The following ERCC6L2 variants were observed in gnomAD, a reference collection of about 807,000 sequenced individuals.
ERCC6L2 encodes the protein ERCC excision repair 6 like 2.
Under a neutral mutation model 132.0 loss-of-function variants are expected in ERCC6L2, and 77 were observed. That is an observed-to-expected ratio of 0.58 (90% CI 0.49 to 0.71). The LOEUF is 0.71. Ranked by LOEUF, ERCC6L2 falls within the 30% of genes least tolerant of loss-of-function variation. The pLI is 0.00. For missense variants in ERCC6L2, 1,542 were observed against 1,837.6 expected (o/e 0.84, Z 2.94); for synonymous variants, 583 against 632.4 (o/e 0.92, Z 1.17).
At chr9:95,891,737 T>C (rs908942738) in intron 2 of ERCC6L2, among the ~76,000 whole-genome samples, 7 of 152,214 alleles carry the variant, frequency 4.6e-5, no homozygotes, top group African/African-American at 1.7e-4. Context: ...ATTATAGCCA[T>C]CCTACTATGT....
intron 11 of ERCC6L2, among the ~76,000 whole-genome samples, chr9:95,936,653 A>T (rs1162140230): frequency 1.3e-5 from 2 of 152,290 alleles, no homozygotes; most frequent in Non-Finnish European, 2.9e-5. Flanking sequence ...CCCCAATGTA[A>T]TATCTTGTAA....
intron 11 of ERCC6L2, among the ~76,000 whole-genome samples, chr9:95,936,398 A>G (rs779239487): frequency 2.0e-5 from 3 of 151,910 alleles, no homozygotes; most frequent in Non-Finnish European, 4.4e-5. Flanking sequence ...TTGCAGTGTA[A>G]CTCTTGGCTC....
At chr9:96,023,495 C>A (rs577315412) in intron 19 of ERCC6L2, among the ~76,000 whole-genome samples, 1 of 152,330 alleles carries the variant, frequency 6.6e-6, no homozygotes, top group South Asian at 2.1e-4. Flanking sequence ...TCACTGCTAC[C>A]AGCTTCTGGT....
At chr9:95,923,859 G>A (rs895775781) in intron 9 of ERCC6L2, among the ~76,000 whole-genome samples, 3 of 152,158 alleles carry the variant, frequency 2.0e-5, no homozygotes, top group Non-Finnish European at 2.9e-5. Flanking sequence ...GAACTAGATC[G>A]TAAAGTTGCA....
intron 2 of ERCC6L2, among the ~76,000 whole-genome samples, chr9:95,886,440 C>G (rs1193267622): frequency 6.6e-6 from 1 of 152,132 alleles, no homozygotes; most frequent in East Asian, 1.9e-4. Context: ...AAAACAGGCA[C>G]AGGAATGACT....
At chr9:95,935,233 G>T (rs1412617335) in intron 11 of ERCC6L2, among the ~76,000 whole-genome samples, 1 of 152,164 alleles carries the variant, frequency 6.6e-6, no homozygotes, top group Non-Finnish European at 1.5e-5. Context: ...GTTCTTTAGA[G>T]ATAAGATTTT....
rs77749960 is a variant in ERCC6L2 at position 96,014,848 on chromosome 9, T to C, written c.*1645T>C. 0.13 allele frequency among the ~76,000 whole-genome samples: 20,112 copies of C among 152,138 alleles called. 1,390 individuals are homozygous for C. The highest frequency in any genetic ancestry group is 0.24 in the South Asian group (1,137 of 4,820). On this transcript the variant is annotated 3_prime_UTR_variant, in exon 19 of 19. Transcript: ENST00000653738. ...GATATGGTCCTTGATAGACTTGACTTGTAGATGTTTTCAGCCTACAATGTG... is the reference window on the plus strand; with the variant it reads ...GATATGGTCCTTGATAGACTTGACTCGTAGATGTTTTCAGCCTACAATGTG...
At chr9:95,917,840 G>A (rs1023005172) in intron 6 of ERCC6L2, among the ~76,000 whole-genome samples, 1 of 152,162 alleles carries the variant, frequency 6.6e-6, no homozygotes, top group Non-Finnish European at 1.5e-5. Context: ...AATAGTGCCT[G>A]CCTCACATGG....
chr9:95,911,728 G>GT (rs1829349960), intron 4 of ERCC6L2, among the ~76,000 whole-genome samples: 2 of 152,154 alleles, frequency 1.3e-5, no homozygotes, highest in East Asian at 3.9e-4. Flanking sequence ...GTGAGCTGTA[G>GT]TTTTTTTCTT....
downstream of ERCC6L2, chr9:96,020,681 G>A: frequency 2.4e-6 from 1 of 423,898 alleles, no homozygotes; most frequent in Non-Finnish European, 4.8e-6. Flanking sequence ...CCAATGGCGG[G>A]AACAAGCAAG....
intron 7 of ERCC6L2, among the ~76,000 whole-genome samples, chr9:95,921,666 CT>C (rs1414660073): frequency 6.6e-6 from 1 of 152,054 alleles, no homozygotes; most frequent in African/African-American, 2.4e-5. Context: ...GTATAGGAGG[CT>C]TAAAATACTA....
At chr9:95,989,086 G>T (rs1236311792) in intron 17 of ERCC6L2, among the ~76,000 whole-genome samples, 1 of 152,208 alleles carries the variant, frequency 6.6e-6, no homozygotes, top group Non-Finnish European at 1.5e-5. Flanking sequence ...TCAGTCCTGA[G>T]TGCTGTGCCC....
At chr9:95,945,842 A>G (rs1213288772) in intron 12 of ERCC6L2, among the ~76,000 whole-genome samples, 2 of 152,222 alleles carry the variant, frequency 1.3e-5, no homozygotes, top group African/African-American at 2.4e-5. Context: ...AGCATGACCA[A>G]TGAAGTGTCA....
At chr9:95,979,190 A>G (rs1832792165) in intron 17 of ERCC6L2, among the ~76,000 whole-genome samples, 1 of 152,192 alleles carries the variant, frequency 6.6e-6, no homozygotes, top group Admixed American at 6.5e-5. Flanking sequence ...TAAGCTATCT[A>G]TGTAGTGATA....
At position 96,012,571 on chromosome 9, in the gene ERCC6L2, A is replaced by C; in HGVS notation, c.4021A>C (p.Asn1341His). 7.3e-7 allele frequency: 1 copy of C among 1,367,492 alleles called. No homozygotes were observed. The highest frequency in any genetic ancestry group is 9.8e-7 in the Non-Finnish European group (1 of 1,021,766). 84.7% of individuals were successfully genotyped at this position (1,367,492 alleles called of 1,614,324 possible). Residue 1341 changes from asparagine to histidine, a missense_variant, in exon 19 of 19, where the codon AAT becomes CAT. Transcript: ENST00000653738. ...TYKRKSVKFQ[N>H]HISYREEVFF... is the part of the protein sequence containing the mutation. ...TAAAAGAAAATCAGTTAAGTTTCAGAATCATATTTCCTATAGAGAAGAGGT... is the reference window on the plus strand; with the variant it reads ...TAAAAGAAAATCAGTTAAGTTTCAGCATCATATTTCCTATAGAGAAGAGGT...
intron 11 of ERCC6L2, among the ~76,000 whole-genome samples, chr9:95,938,509 T>G (rs1830658800): frequency 6.6e-6 from 1 of 152,162 alleles, no homozygotes; most frequent in Non-Finnish European, 1.5e-5. Context: ...CATGTATCTT[T>G]CAGCTCTGCT....
intron 2 of ERCC6L2, among the ~76,000 whole-genome samples, chr9:95,881,610 T>C (rs1827598760): frequency 6.6e-6 from 1 of 152,238 alleles, no homozygotes; most frequent in Admixed American, 6.5e-5. Flanking sequence ...TCATACTTAA[T>C]GGAAGGAAAG....
intron 1 of ERCC6L2, among the ~76,000 whole-genome samples, chr9:95,878,612 G>A (rs539382911): frequency 1.7e-4 from 26 of 151,702 alleles, no homozygotes; most frequent in African/African-American, 6.1e-4. Flanking sequence ...CCATTAACTT[G>A]TCATTTAGCA....
rs191164716 is a variant in ERCC6L2 at position 95,955,896 on chromosome 9, T to A, written c.1848-18T>A. 55 of 1,499,282 alleles carry A rather than the reference T, an allele frequency of 3.7e-5. 1 individual carries two copies. The Admixed American group carries it at 1.1e-3, about 31-fold the overall frequency. 92.9% of individuals were successfully genotyped at this position (1,499,282 alleles called of 1,614,324 possible). ...TTGCTTCACTTGATTTTTGTTTGTA[T>A]TTTTAATCCTTTTACAGAGCATATA... On this transcript the variant is annotated intron_variant, in intron 12 of 18. Coordinates refer to ENST00000653738, the MANE Select transcript of ERCC6L2 (RefSeq NM_020207.7).
Sources: allele counts gnomAD v4.1 joint callset (sites outside exome capture counted in the v4.1 genomes callset), GRCh38; gene constraint gnomAD v4.1.1; transcripts MANE v1.5; gene names NCBI Gene and HGNC (gene_info 2026-07-23, HGNC 2026-07-21).